Variants in COMMD6 observed in about 807,000 individuals in gnomAD.
COMMD6 encodes COMM domain containing 6, also known as COMM domain-containing protein 6.
Under a neutral mutation model 13.4 loss-of-function variants are expected in COMMD6, and 11 were observed. The observed-to-expected ratio is 0.82, with a 90% CI of 0.52 to 1.36. COMMD6 has a LOEUF of 1.36. Ranked by LOEUF, COMMD6 falls within the 40% of genes most tolerant of loss-of-function variation. COMMD6 has a pLI of 0.00. For synonymous variants in COMMD6, 43 were observed against 36.5 expected, an observed-to-expected ratio of 1.18 and a Z score of -0.64; for missense variants, 124 against 102.4, an observed-to-expected ratio of 1.21 and a Z score of -0.91.
intron 3 of COMMD6, among the ~76,000 whole-genome samples, chr13:75,528,242 A>G (rs565751446): frequency 4.0e-5 from 6 of 151,856 alleles, no homozygotes; most frequent in Non-Finnish European, 8.8e-5. Context: ...TTTTTCCTAT[A>G]GGAAAAAATT....
chr13:75,537,499 C>T (rs751748995), intron 2 of COMMD6, 165 bp downstream of exon 2: 11 of 1,557,258 alleles, frequency 7.1e-6, no homozygotes, highest in Non-Finnish European at 8.7e-6. Flanking sequence ...CAACGGCTAC[C>T]GGCTCAGGTG....
upstream of COMMD6, among the ~76,000 whole-genome samples, chr13:75,540,538 T>C (rs747641107): frequency 2.6e-5 from 4 of 152,178 alleles, no homozygotes; most frequent in Non-Finnish European, 4.4e-5. Flanking sequence ...ATCGATCTGA[T>C]TTGGGGAGAG....
At chr13:75,548,938 G>A (rs1044041302) in intron 1 of COMMD6, among the ~76,000 whole-genome samples, 1 of 152,098 alleles carries the variant, frequency 6.6e-6, no homozygotes, top group African/African-American at 2.4e-5. Flanking sequence ...CCTTTACTCT[G>A]CAGCCACAGT....
rs1046822034 is a variant in COMMD6 at position 75,526,050 on chromosome 13, A to C, written c.*539T>G. The C allele has an allele frequency of 1.3e-5, 2 of 152,246 alleles. 1 individual carries two copies. Among genetic ancestry groups the C allele is most frequent in the Non-Finnish European group, 2.9e-5 (2 of 68,054 alleles). 9.4% of individuals were successfully genotyped at this position (152,246 alleles called of 1,614,324 possible). Reference sequence around the variant, plus strand: ...ACAGAAATAATTGAATGCTAGACTAATACTGTGTAAAGGAGCAATGGTCAA... The same window carrying C: ...ACAGAAATAATTGAATGCTAGACTACTACTGTGTAAAGGAGCAATGGTCAA... On this transcript the variant is annotated 3_prime_UTR_variant, in exon 4 of 4. Transcript: ENST00000682242.
At chr13:75,546,112 A>G (rs1474948896) in intron 1 of COMMD6, among the ~76,000 whole-genome samples, 2 of 152,244 alleles carry the variant, frequency 1.3e-5, no homozygotes, top group Non-Finnish European at 2.9e-5. Context: ...TTCAATATAT[A>G]TACCTACCAA....
intron 1 of COMMD6, among the ~76,000 whole-genome samples, chr13:75,546,383 CA>C (rs1252861486): frequency 6.6e-6 from 1 of 152,114 alleles, no homozygotes; most frequent in African/African-American, 2.4e-5. Context: ...ATAAGTTACT[CA>C]AGTTGCTTAT....
chr13:75,544,060 T>C (rs977098514), intron 1 of COMMD6, among the ~76,000 whole-genome samples: 1 of 152,028 alleles, frequency 6.6e-6, no homozygotes, highest in Non-Finnish European at 1.5e-5. Flanking sequence ...ACTGTTTTAT[T>C]TGTACTCCAG....
upstream of COMMD6, among the ~76,000 whole-genome samples, chr13:75,538,137 C>T (rs2030749218): frequency 6.6e-6 from 1 of 152,224 alleles, no homozygotes; most frequent in South Asian, 2.1e-4. Flanking sequence ...GCACAGCATC[C>T]CGCTGCGCGG....
upstream of COMMD6, among the ~76,000 whole-genome samples, chr13:75,543,658 T>C (rs982471513): frequency 4.6e-5 from 7 of 152,252 alleles, no homozygotes; most frequent in African/African-American, 1.4e-4. Context: ...TTGGCTTTTC[T>C]GAGCATCAGC....
At chr13:75,549,434 A>T, upstream of COMMD6, 1 of 242,732 alleles carries the variant, frequency 4.1e-6, no homozygotes, top group Non-Finnish European at 7.9e-6. Context: ...TTGACACTGC[A>T]AGAATGGGAA....
At chr13:75,537,529 C>T in intron 2 of COMMD6, 135 bp downstream of exon 2, 1 of 1,582,956 alleles carries the variant, frequency 6.3e-7, no homozygotes, top group Non-Finnish European at 8.6e-7. Flanking sequence ...AGGAGCAATG[C>T]AAGAGGGACG....
intron 2 of COMMD6, chr13:75,537,411 T>C (rs965065969): frequency 3.5e-5 from 54 of 1,551,110 alleles, no homozygotes; most frequent in Non-Finnish European, 4.6e-5. Flanking sequence ...AACTGTCGCC[T>C]AATCAAAGCC....
chr13:75,535,307 A>G (rs1166579619), intron 2 of COMMD6, among the ~76,000 whole-genome samples: 1 of 152,210 alleles, frequency 6.6e-6, no homozygotes, highest in Non-Finnish European at 1.5e-5. Context: ...AATACCTACG[A>G]CTTTTTTCCA....
At chr13:75,536,420 TCTA>T (rs1422714990) in intron 2 of COMMD6, among the ~76,000 whole-genome samples, 1 of 152,200 alleles carries the variant, frequency 6.6e-6, no homozygotes, top group African/African-American at 2.4e-5. Flanking sequence ...ATCCTCAAAA[TCTA>T]TGAATATGTT....
intron 1 of COMMD6, among the ~76,000 whole-genome samples, chr13:75,546,831 A>G (rs1288790137): frequency 6.6e-6 from 1 of 152,230 alleles, no homozygotes. Flanking sequence ...GGGATGTACA[A>G]TGTTTTAGTT....
chr13:75,545,544 CTCACTGCGAGCTCCGCCTCCTCGGT>C (rs1268398839), intron 1 of COMMD6, among the ~76,000 whole-genome samples: 2 of 151,734 alleles, frequency 1.3e-5, no homozygotes, highest in African/African-American at 4.8e-5. Flanking sequence ...GCTATCTCTG[CTCACTGCGAGCTCCGCCTCCTCGGT>C]TCACACCATT....
At chr13:75,535,273 C>T (rs1850783801) in intron 2 of COMMD6, among the ~76,000 whole-genome samples, 1 of 152,160 alleles carries the variant, frequency 6.6e-6, no homozygotes, top group South Asian at 2.1e-4. Flanking sequence ...AATCCATCTT[C>T]GAAGGGCCCT....
At chr13:75,542,204 GGTTT>G (rs2030835847), upstream of COMMD6, among the ~76,000 whole-genome samples, 1 of 152,046 alleles carries the variant, frequency 6.6e-6, no homozygotes, top group Non-Finnish European at 1.5e-5. Flanking sequence ...CTTTTGTGAT[GGTTT>G]TTGTTATCTG....
chr13:75,537,785 C>G lies in COMMD6; in HGVS notation c.21G>C (p.Pro7=), dbSNP rs1175370794. Residue 7 remains proline (P), a synonymous_variant, in exon 1 of 4, where the codon CCG becomes CCC. Coordinates refer to ENST00000682242, the MANE Select transcript of COMMD6 (RefSeq NM_203495.4). ...TCACATCGGACTTAGCATCCAGCGG[C>G]GGCTCGCTGGACGCCTCCATGGGCA... The part of the protein sequence containing the change: MEASSE[P]PLDAKSDVTN... 2.9e-5 allele frequency: 46 copies of G among 1,610,904 alleles called. No individual in the cohort carries two copies. Among genetic ancestry groups the G allele is most frequent in the Middle Eastern group, 1.7e-4 (1 of 6,058 alleles).
Sources: allele counts gnomAD v4.1 joint callset (sites outside exome capture counted in the v4.1 genomes callset), GRCh38; gene constraint gnomAD v4.1.1; transcripts MANE v1.5; gene names NCBI Gene and HGNC (gene_info 2026-07-23, HGNC 2026-07-21).